Variants in TSPAN13 observed in about 807,000 individuals in gnomAD.
TSPAN13 encodes tetraspanin-13.
TSPAN13 carries 18 observed loss-of-function variants against 26.9 expected under a neutral mutation model. The observed-to-expected ratio is 0.67, with a 90% confidence interval of 0.46 to 0.99. The LOEUF (loss-of-function observed/expected upper bound fraction) is 0.99, where lower values mean the gene tolerates loss of function less well. TSPAN13 is among the 50% of genes least tolerant of loss of function. The probability of loss-of-function intolerance (pLI) is 0.00; values close to 1 mark genes in which losing one functional copy is unlikely to be tolerated. For synonymous variants in TSPAN13, 116 were observed against 98.4 expected (o/e 1.18, Z -1.06); for missense variants, 201 against 249.6 (o/e 0.81, Z 1.31).
chr7:16,778,141 A>G (rs1377068798), intron 4 of TSPAN13, among the ~76,000 whole-genome samples: 2 of 152,166 alleles, frequency 1.3e-5, no homozygotes, highest in Non-Finnish European at 2.9e-5. Context: ...CTAATGGTTT[A>G]TTGTCCCTAA....
At chr7:16,759,768 G>GATCTC (rs1455026466) in intron 1 of TSPAN13, among the ~76,000 whole-genome samples, 1 of 150,332 alleles carries the variant, frequency 6.7e-6, no homozygotes, top group Non-Finnish European at 1.5e-5. Flanking sequence ...CTCACTGCCA[G>GATCTC]AGAGCTGTCT....
intron 1 of TSPAN13, among the ~76,000 whole-genome samples, chr7:16,757,701 C>T (rs752976069): frequency 3.9e-5 from 6 of 152,064 alleles, no homozygotes; most frequent in African/African-American, 1.2e-4. Context: ...TTCTCTTTTT[C>T]GTGATTCTTT....
chr7:16,759,955 T>G (rs916431621), intron 1 of TSPAN13, among the ~76,000 whole-genome samples: 10 of 152,172 alleles, frequency 6.6e-5, no homozygotes, highest in African/African-American at 1.2e-4. Flanking sequence ...CCAAATTGCT[T>G]GGATTACAGG....
At chr7:16,766,489 G>A (rs1784604027) in intron 1 of TSPAN13, among the ~76,000 whole-genome samples, 1 of 152,242 alleles carries the variant, frequency 6.6e-6, no homozygotes, top group Non-Finnish European at 1.5e-5. Context: ...GAAACCATCT[G>A]AGTGTGATGG....
In TSPAN13 at chr7:16,779,751, A is replaced by G. The variant is rs546965514; in HGVS notation, c.540+635A>G. On this transcript the variant is annotated intron_variant, in intron 5 of 5. Transcript: ENST00000262067. ...ATTTGGCTGTCATTAACAGCATAGG[A>G]AAAAAAAAGACCAAGATTAATATTC... Among the ~76,000 whole-genome samples, 6 of 150,522 alleles carry G rather than the reference A, an allele frequency of 4.0e-5. No individual in the cohort carries two copies. In the South Asian group the frequency reaches 1.3e-3, roughly 32 times the overall value.
chr7:16,776,408 CT>C, intron 2 of TSPAN13, 30 bp downstream of exon 2: 1 of 1,594,414 alleles, frequency 6.3e-7, no homozygotes, highest in Middle Eastern at 1.7e-4. Context: ...AGATTTTACT[CT>C]TGATGACTAT....
intron 2 of TSPAN13, 103 bp downstream of exon 2, chr7:16,776,481 A>G: frequency 8.8e-7 from 1 of 1,141,934 alleles, no homozygotes; most frequent in Non-Finnish European, 1.2e-6. Flanking sequence ...AAGCAACTCC[A>G]AGCAAGCCTT....
intron 5 of TSPAN13, among the ~76,000 whole-genome samples, chr7:16,781,363 T>C (rs535702272): frequency 3.9e-5 from 6 of 152,332 alleles, no homozygotes; most frequent in African/African-American, 1.4e-4. Flanking sequence ...ATGAGCAATA[T>C]ATTTTGGTGA....
At chr7:16,772,267 TTC>T (rs1259426957) in intron 1 of TSPAN13, among the ~76,000 whole-genome samples, 1 of 152,164 alleles carries the variant, frequency 6.6e-6, no homozygotes. Flanking sequence ...TCCAGGCAGG[TTC>T]TATAACAGTG....
At chr7:16,778,965 A>G (rs1163624617) in intron 4 of TSPAN13, 38 bp from the exon 5 acceptor site, 6 of 1,465,254 alleles carry the variant, frequency 4.1e-6, no homozygotes, top group Non-Finnish European at 5.6e-6. Flanking sequence ...TTATAAATGT[A>G]TTTTGAAATA....
Position 16,773,821 on chromosome 7 carries a change from C to G in TSPAN13, c.64-2390C>G, listed in dbSNP as rs192564511. On this transcript the variant is annotated intron_variant, in intron 1 of 5. Transcript: ENST00000262067. ...TAATACTCTTATTCATGCTTCTTAT[C>G]TTTTTTGGCTCTAAGACTTAAAAGA... Among the ~76,000 whole-genome samples, 622 of 152,190 alleles carry G rather than the reference C, an allele frequency of 4.1e-3. 2 individuals are homozygous for G. The highest frequency in any genetic ancestry group is 7.0e-3 in the Non-Finnish European group (477 of 68,006).
At chr7:16,766,484 C>T (rs534754346) in intron 1 of TSPAN13, among the ~76,000 whole-genome samples, 21 of 152,272 alleles carry the variant, frequency 1.4e-4, no homozygotes, top group African/African-American at 4.8e-4. Context: ...CTTTTGAAAC[C>T]ATCTGAGTGT....
intron 1 of TSPAN13, among the ~76,000 whole-genome samples, chr7:16,755,873 T>A (rs1784476541): frequency 1.3e-5 from 2 of 152,224 alleles, no homozygotes; most frequent in African/African-American, 2.4e-5. Flanking sequence ...ATATTAAGAC[T>A]ATTTAATATC....
chr7:16,758,169 G>A (rs528576995), intron 1 of TSPAN13, among the ~76,000 whole-genome samples: 5 of 151,940 alleles, frequency 3.3e-5, no homozygotes, highest in African/African-American at 1.2e-4. Flanking sequence ...TTTTATAGTA[G>A]ATAAAGTGTG....
intron 1 of TSPAN13, among the ~76,000 whole-genome samples, chr7:16,773,696 G>T (rs1166064996): frequency 6.6e-6 from 1 of 152,150 alleles, no homozygotes; most frequent in Non-Finnish European, 1.5e-5. Flanking sequence ...CATATTTAAG[G>T]ATTTCAGTAA....
chr7:16,756,905 G>C (rs1198711270), intron 1 of TSPAN13, among the ~76,000 whole-genome samples: 1 of 152,134 alleles, frequency 6.6e-6, no homozygotes, highest in Non-Finnish European at 1.5e-5. Flanking sequence ...ACCAAACAGG[G>C]CGTAAAAATC....
chr7:16,782,577 A>G (rs1454943083), intron 5 of TSPAN13, among the ~76,000 whole-genome samples: 1 of 152,232 alleles, frequency 6.6e-6, no homozygotes, highest in Non-Finnish European at 1.5e-5. Flanking sequence ...TTAAAAAACT[A>G]TACTGGCTAA....
At position 16,757,687 on chromosome 7, in the gene TSPAN13, T is replaced by A. The variant is rs111613184; in HGVS notation, c.63+3657T>A. Among the ~76,000 whole-genome samples, 16 of 152,328 alleles carry A rather than the reference T, an allele frequency of 1.1e-4. 1 individual carries two copies. Among genetic ancestry groups the A allele is most frequent in the African/African-American group, 3.8e-4 (16 of 41,576 alleles). Reference sequence around the variant, plus strand: ...TCTTATAACATCTTTCCATGTTTGTTTCTTTCTCTTTTTCGTGATTCTTTT... The same window carrying A: ...TCTTATAACATCTTTCCATGTTTGTATCTTTCTCTTTTTCGTGATTCTTTT... On this transcript the variant is annotated intron_variant, in intron 1 of 5. Coordinates refer to ENST00000262067, the MANE Select transcript of TSPAN13 (RefSeq NM_014399.4).
At chr7:16,768,343 G>A (rs1583790228) in intron 1 of TSPAN13, among the ~76,000 whole-genome samples, 1 of 152,142 alleles carries the variant, frequency 6.6e-6, no homozygotes, top group East Asian at 1.9e-4. Flanking sequence ...GGTACGGCAG[G>A]TAAAAACACA....
Sources: allele counts gnomAD v4.1 joint callset (sites outside exome capture counted in the v4.1 genomes callset), GRCh38; gene constraint gnomAD v4.1.1; transcripts MANE v1.5; gene names NCBI Gene and HGNC (gene_info 2026-07-23, HGNC 2026-07-21).